NLRC5: variants seen among roughly 807,000 people sequenced by gnomAD.
The protein encoded by NLRC5 is protein NLRC5.
A neutral mutation model predicts 206.9 loss-of-function variants in NLRC5; 114 were observed. The observed-to-expected ratio is 0.55, with a 90% CI of 0.47 to 0.64. The LOEUF (loss-of-function observed/expected upper bound fraction) is 0.64, where lower values mean the gene tolerates loss of function less well. NLRC5 is among the 30% of genes least tolerant of loss of function. The probability of loss-of-function intolerance (pLI) is 0.00; values close to 1 mark genes in which losing one functional copy is unlikely to be tolerated. For synonymous variants in NLRC5, 952 were observed against 962.8 expected, an observed-to-expected ratio of 0.99 and a Z score of 0.21; for missense variants, 2,008 against 2,305.5, an observed-to-expected ratio of 0.87 and a Z score of 2.64.
At chr16:57,003,880 G>A (rs1161467238) in intron 1 of NLRC5, 1 of 152,192 alleles carries the variant, frequency 6.6e-6, no homozygotes, top group African/African-American at 2.4e-5. Context: ...GGTACGAAGA[G>A]GCTGCGTAAC....
chr16:57,077,158 C>T (rs1384902459), intron 40 of NLRC5, 138 bp from the exon 41 acceptor site: 1 of 767,912 alleles, frequency 1.3e-6, no homozygotes, highest in Non-Finnish European at 2.2e-6. Flanking sequence ...TAGGAGCTGT[C>T]ACTCAACATG....
chr16:57,036,081 A>C lies in NLRC5; in HGVS notation c.2628-19A>C. 1 of 1,571,202 alleles carries C rather than the reference A, an allele frequency of 6.4e-7. No individual in the cohort carries two copies. The highest frequency in any genetic ancestry group is 8.6e-7 in the Non-Finnish European group (1 of 1,163,242). On this transcript the variant is annotated intron_variant, in intron 13 of 48. Transcript: ENST00000688547. ...GGACTCCAGCCCCACAATACAGTGC[A>C]TTGGGCCCCCCGTCTCAGCCTCTCA...
At chr16:57,072,521 T>G (rs2067902171) in intron 38 of NLRC5, among the ~76,000 whole-genome samples, 1 of 152,220 alleles carries the variant, frequency 6.6e-6, no homozygotes, top group Non-Finnish European at 1.5e-5. Context: ...AGTTGTTTCC[T>G]TGGTAACTGG....
In NLRC5 at chr16:57,036,087, C is replaced by T. The variant is rs752943796; in HGVS notation, c.2628-13C>T. The T allele has an allele frequency of 6.4e-7, 1 of 1,570,882 alleles. No individual in the cohort carries two copies. On this transcript the variant is annotated splice_polypyrimidine_tract_variant and intron_variant, in intron 13 of 48. Transcript: ENST00000688547. ...CAGCCCCACAATACAGTGCATTGGG[C>T]CCCCCGTCTCAGCCTCTCAGGGAAC...
intron 1 of NLRC5, among the ~76,000 whole-genome samples, chr16:56,994,510 G>A (rs2057363235): frequency 6.6e-6 from 1 of 152,208 alleles, no homozygotes; most frequent in South Asian, 2.1e-4. Context: ...AGTAGAAACA[G>A]ACAAACAAGT....
chr16:57,030,929 T>C (rs914528374), intron 10 of NLRC5, among the ~76,000 whole-genome samples: 21 of 152,128 alleles, frequency 1.4e-4, no homozygotes, highest in Non-Finnish European at 1.5e-5. Context: ...GGCAACATAG[T>C]CTCTACAAAA....
At chr16:57,008,791 A>G (rs1416100178) in intron 1 of NLRC5, among the ~76,000 whole-genome samples, 1 of 152,186 alleles carries the variant, frequency 6.6e-6, no homozygotes, top group African/African-American at 2.4e-5. Flanking sequence ...TTAAAGAATA[A>G]CAAACAGCCT....
chr16:57,059,400 G>T (rs1455081394), intron 29 of NLRC5, 67 bp from the exon 30 acceptor site: 2 of 1,552,432 alleles, frequency 1.3e-6, no homozygotes, highest in African/African-American at 2.7e-5. Context: ...TGCCCTGTGG[G>T]TGCCCTAGGT....
intron 1 of NLRC5, among the ~76,000 whole-genome samples, chr16:57,003,083 G>A (rs945311720): frequency 7.6e-5 from 11 of 145,574 alleles, no homozygotes; most frequent in African/African-American, 2.8e-4. Context: ...GTTTGGAGAT[G>A]AAGTCTCGCT....
At chr16:57,061,366 G>T in intron 30 of NLRC5, 82 bp from the exon 31 acceptor site, 2 of 1,373,980 alleles carry the variant, frequency 1.5e-6, no homozygotes, top group Non-Finnish European at 2.0e-6. Flanking sequence ...TCCCCCAATA[G>T]GCCCTCAGGG....
At chr16:56,995,918 G>C (rs142121120) in intron 1 of NLRC5, among the ~76,000 whole-genome samples, 20 of 152,206 alleles carry the variant, frequency 1.3e-4, no homozygotes, top group African/African-American at 4.3e-4. Flanking sequence ...GATTTTAGGA[G>C]GTATGTGGAG....
In NLRC5 at chr16:57,021,364, GT is replaced by G. The variant is rs1409605057; in HGVS notation, c.295+363del. 1.6e-4 allele frequency among the ~76,000 whole-genome samples: 24 copies of G among 152,120 alleles called. 1 individual carries two copies. Among genetic ancestry groups the G allele is most frequent in the Admixed American group, 5.9e-4 (9 of 15,288 alleles). ...TGCTCTTGTTGGGTTTTGTTTGTTT[GT>G]TTTTTATTTTTGAGACAAGGTCTTG... On this transcript the variant is annotated intron_variant, in intron 3 of 48. Coordinates refer to ENST00000688547, the MANE Select transcript of NLRC5 (RefSeq NM_001384950.1).
In NLRC5 at chr16:57,021,192, G is replaced by T. The variant is rs1219166007; in HGVS notation, c.295+185G>T. Reference sequence around the variant, plus strand: ...GCGCCCAAATCTGCTGGGGCCTGGAGGACCCCTCCTTCTACCTGGCTTCAC... The same window carrying T: ...GCGCCCAAATCTGCTGGGGCCTGGATGACCCCTCCTTCTACCTGGCTTCAC... On this transcript the variant is annotated intron_variant, in intron 3 of 48. Transcript: ENST00000688547. 1.0e-5 allele frequency: 6 copies of T among 580,974 alleles called. No individual in the cohort carries two copies. In the African/African-American group the frequency reaches 1.1e-4, roughly 11 times the overall value. The allele number at this position is 580,974 out of a possible 1,614,324, so 36.0% of individuals were successfully genotyped here. A position where few individuals can be genotyped will look rare whatever the true frequency, so the allele number is the denominator to read the frequency against.
In NLRC5 at chr16:57,034,157, T is replaced by A; in HGVS notation, c.2544-11T>A. ...TGCCCTGAGCCCTTCTGTCCCCCAC[T>A]CCTACCCAAGGCTGCAGAAGTGTCA... is the stretch of plus-strand genomic sequence containing the variant. On this transcript the variant is annotated splice_polypyrimidine_tract_variant and intron_variant, in intron 12 of 48. Transcript: ENST00000688547. 1 of 1,613,210 alleles carries A rather than the reference T, an allele frequency of 6.2e-7. No individual in the cohort carries two copies.
At chr16:57,056,619 T>C (rs1468493526) in intron 27 of NLRC5, among the ~76,000 whole-genome samples, 3 of 152,044 alleles carry the variant, frequency 2.0e-5, no homozygotes, top group East Asian at 3.8e-4. Context: ...AATATGTCTT[T>C]GAGTTTTTTG....
intron 38 of NLRC5, among the ~76,000 whole-genome samples, chr16:57,071,405 GTTGT>G (rs1310459573): frequency 1.4e-5 from 2 of 143,324 alleles, no homozygotes; most frequent in Admixed American, 6.9e-5. Flanking sequence ...ATGGGGAAGT[GTTGT>G]GAGTGAGTGG....
intron 34 of NLRC5, 141 bp downstream of exon 34, chr16:57,066,755 C>A (rs1224119971): frequency 1.8e-5 from 13 of 726,548 alleles, no homozygotes; most frequent in African/African-American, 3.5e-5. Context: ...TCTGACCAAC[C>A]CACTTCTGAG....
intron 13 of NLRC5, among the ~76,000 whole-genome samples, chr16:57,035,814 C>T (rs78279261): frequency 1.3e-5 from 2 of 152,190 alleles, no homozygotes; most frequent in Non-Finnish European, 2.9e-5. Flanking sequence ...AGTGCCTTAA[C>T]TTTACTCTGC....
In NLRC5 at chr16:57,026,317, G is replaced by C. The variant is rs1479344484; in HGVS notation, c.1374G>C (p.Leu458=). ...PPGHLPTSSL[L]DLGEVALRGL... ...GGCACTTGCCCACCTCGTCCCTACT[G>C]GACCTGGGGGAGGTGGCCCTGAGGG... The change falls in exon 6 of 49, where the codon CTG becomes CTC. Residue 458 remains leucine, a synonymous_variant. Coordinates refer to ENST00000688547, the MANE Select transcript of NLRC5 (RefSeq NM_001384950.1). 9.9e-6 allele frequency: 16 copies of C among 1,613,914 alleles called. No individual in the cohort carries two copies. Among genetic ancestry groups the C allele is most frequent in the African/African-American group, 1.3e-5 (1 of 74,948 alleles).
Sources: allele counts gnomAD v4.1 joint callset (sites outside exome capture counted in the v4.1 genomes callset), GRCh38; gene constraint gnomAD v4.1.1; transcripts MANE v1.5; gene names NCBI Gene and HGNC (gene_info 2026-07-23, HGNC 2026-07-21).